The following FAM186A variants were observed in gnomAD, a reference collection of about 807,000 sequenced individuals.
FAM186A encodes the protein family with sequence similarity 186 member A.
Under a neutral mutation model 216.8 loss-of-function variants are expected in FAM186A, and 163 were observed. That is an observed-to-expected ratio of 0.75 (90% CI 0.66 to 0.86). FAM186A has a LOEUF of 0.86. Among genes scored for constraint, FAM186A ranks in the 40% least tolerant of loss-of-function variants. FAM186A has a pLI of 0.00. For missense variants in FAM186A, 2,184 were observed against 2,746.2 expected (o/e 0.80, Z 4.58); for synonymous variants, 805 against 1,025.3 (o/e 0.79, Z 4.10).
intron 4 of FAM186A, among the ~76,000 whole-genome samples, chr12:50,336,728 T>C (rs1446028223): frequency 3.3e-5 from 5 of 152,014 alleles, no homozygotes; most frequent in Non-Finnish European, 2.9e-5. Context: ...ACCACAGATA[T>C]GTGAAAGGAT....
Position 50,360,905 on chromosome 12 carries a change from G to A in FAM186A, c.434C>T (p.Thr145Ile). 1 of 1,539,332 alleles carries A rather than the reference G, an allele frequency of 6.5e-7. No homozygotes were observed. Among genetic ancestry groups the A allele is most frequent in the Non-Finnish European group, 8.7e-7 (1 of 1,144,000 alleles). Residue 145 changes from threonine (T) to isoleucine (I), a missense_variant, in exon 3 of 8, where the codon ACT becomes ATT. Thr to Ile is a moderately conservative substitution (Grantham distance 89). This residue lies in a region of FAM186A where 1,132 missense variants were observed against 1,263.4 expected (regional missense o/e 0.90). Coordinates refer to ENST00000327337, the MANE Select transcript of FAM186A (RefSeq NM_001145475.3). ...EEWNDVLSEM[T>I]LMDVDEHHHW... is the part of the protein sequence containing the mutation. ...GTGGTGTTCATCAACATCCATTAGA[G>A]TCATCTCAGACAAAACATCATCTTG...
At chr12:50,383,282 G>T (rs111523869) in intron 1 of FAM186A, among the ~76,000 whole-genome samples, 1 of 40,296 alleles carries the variant, frequency 2.5e-5, no homozygotes, top group Middle Eastern at 0.014. Context: ...AAAAAAAAGA[G>T]AGAGAGAGAG....
chr12:50,382,073 T>C (rs954804579), intron 1 of FAM186A, among the ~76,000 whole-genome samples: 5 of 152,058 alleles, frequency 3.3e-5, no homozygotes, highest in Admixed American at 3.3e-4. Context: ...TAAAAACCAC[T>C]TTAGGATTTC....
Position 50,354,792 on chromosome 12 carries a change from T to C in FAM186A, c.2040A>G (p.Leu680=). ...EEFQEAIMAF[L]KQKIDNIGKA... The stretch of plus-strand genomic sequence containing the variant: ...TTCCTATGTTATCAATTTTCTGTTT[T>C]AGGAAAGCCATTATGGCTTCCTGAA... The change falls in exon 4 of 8, where the codon CTA becomes CTG. Residue 680 remains leucine (L), a synonymous_variant. Transcript: ENST00000327337. 1 of 1,535,248 alleles carries C rather than the reference T, an allele frequency of 6.5e-7. No homozygotes were observed. Among genetic ancestry groups the C allele is most frequent in the Non-Finnish European group, 8.7e-7 (1 of 1,143,200 alleles).
At chr12:50,396,149 G>T in intron 1 of FAM186A, 144 bp downstream of exon 1, 1 of 655,116 alleles carries the variant, frequency 1.5e-6, no homozygotes, top group Non-Finnish European at 2.4e-6. Flanking sequence ...GTCGGTGTCA[G>T]GTGAAATTGT....
rs552223845 is a variant in FAM186A at position 50,331,022 on chromosome 12, T to A, written c.6849-264A>T. ...AGCTTCATGGCGTAGAGAGACCACA[T>A]AACTTGCCCCCTTCCTTCCCAAAGC... On this transcript the variant is annotated intron_variant, in intron 6 of 7. Transcript: ENST00000327337. 3.9e-5 allele frequency among the ~76,000 whole-genome samples: 6 copies of A among 152,112 alleles called. No homozygotes were observed. The South Asian group carries it at 1.2e-3, about 31-fold the overall frequency.
intron 4 of FAM186A, among the ~76,000 whole-genome samples, chr12:50,346,807 A>G (rs1160130354): frequency 1.3e-5 from 2 of 152,080 alleles, no homozygotes; most frequent in African/African-American, 4.8e-5. Context: ...AGATTGCCCC[A>G]CTGCACTCCA....
intron 1 of FAM186A, among the ~76,000 whole-genome samples, chr12:50,380,729 G>A (rs1173628742): frequency 6.6e-6 from 1 of 151,636 alleles, no homozygotes; most frequent in African/African-American, 2.4e-5. Context: ...TGGGATATTT[G>A]GGGTGTCGCT....
At chr12:50,386,286 A>C (rs923648903) in intron 1 of FAM186A, among the ~76,000 whole-genome samples, 1 of 151,848 alleles carries the variant, frequency 6.6e-6, no homozygotes, top group African/African-American at 2.4e-5. Flanking sequence ...ACAATTAGCC[A>C]AACCTGGTGG....
At chr12:50,378,641 C>T (rs1943224608) in intron 1 of FAM186A, among the ~76,000 whole-genome samples, 1 of 139,884 alleles carries the variant, frequency 7.1e-6, no homozygotes, top group East Asian at 2.1e-4. Context: ...TATACACATA[C>T]ATATATATAC....
In FAM186A at chr12:50,351,760, A is replaced by G. The variant is rs925723502; in HGVS notation, c.5072T>C (p.Leu1691Pro). The G allele has an allele frequency of 6.4e-7, 1 of 1,551,160 alleles. No individual in the cohort carries two copies. Among genetic ancestry groups the G allele is most frequent in the African/African-American group, 1.4e-5 (1 of 73,026 alleles). The change falls in exon 4 of 8, where the codon CTC (leucine) becomes CCC (proline). Residue 1691 changes from leucine (L) to proline (P), a missense_variant. Around this residue, in one of 7 missense-constraint regions of FAM186A, gnomAD observed 721 missense variants for 816.4 expected, o/e 0.88. Coordinates refer to ENST00000327337, the MANE Select transcript of FAM186A (RefSeq NM_001145475.3). ...CAAGGTATGGGCTTTATCTAAGGTG[A>G]GAGGAACCCCTAACTTCAATAACTG... The part of the protein sequence containing the change: ...QEQLLKLGVP[L>P]TLDKAHTLGS...
chr12:50,363,344 A>T lies in FAM186A; in HGVS notation c.213T>A (p.Ser71Arg). Reference sequence around the variant, plus strand: ...TCCGATGCACATTGTTCATTATTTCACTCAGCTGCATATCAATGTCCTGTC... The same window carrying T: ...TCCGATGCACATTGTTCATTATTTCTCTCAGCTGCATATCAATGTCCTGTC... ...RAREDIDMQL[S>R]EIMNNVHRIM... The change falls in exon 2 of 8, where the codon AGT (serine) becomes AGA (arginine). Residue 71 changes from serine (S) to arginine (R), a missense_variant. Ser to Arg is a moderately radical substitution (Grantham distance 110, BLOSUM62 -1). Coordinates refer to ENST00000327337, the MANE Select transcript of FAM186A (RefSeq NM_001145475.3). 1 of 1,550,382 alleles carries T rather than the reference A, an allele frequency of 6.5e-7. No individual in the cohort carries two copies. Among genetic ancestry groups the T allele is most frequent in the Non-Finnish European group, 8.7e-7 (1 of 1,146,692 alleles).
Position 50,351,998 on chromosome 12 carries a change from CCT to C in FAM186A, c.4832_4833del (p.Gln1611ArgfsTer55). 6.5e-7 allele frequency: 1 copy of C among 1,527,576 alleles called. No individual in the cohort carries two copies. Among genetic ancestry groups the C allele is most frequent in the Non-Finnish European group, 8.8e-7 (1 of 1,132,826 alleles). 94.6% of individuals were successfully genotyped at this position (1,527,576 alleles called of 1,614,324 possible). On this transcript the variant is annotated frameshift_variant, in exon 4 of 8. Transcript: ENST00000327337. LOFTEE classifies it high-confidence loss of function. ...GCCTGCTGAGGGGTGAGAGGGATCC[CCT>C]GAGCCTGCGCCTGCTGAGGGGTGAG... is the stretch of plus-strand genomic sequence containing the variant. ...IPLTPQQAQA[Q>X]GIPLTPQQAQ...
chr12:50,369,463 C>CCT (rs1943121012), intron 1 of FAM186A, among the ~76,000 whole-genome samples: 1 of 147,112 alleles, frequency 6.8e-6, no homozygotes, highest in Admixed American at 6.9e-5. Context: ...TGCACTCCAG[C>CCT]CTCAGCCTGG....
In FAM186A at chr12:50,354,196, C is replaced by T. The variant is rs957243034; in HGVS notation, c.2636G>A (p.Ser879Asn). 3 of 1,551,560 alleles carry T rather than the reference C, an allele frequency of 1.9e-6. No homozygotes were observed. The African/African-American group carries it at 4.1e-5, about 21-fold the overall frequency. Residue 879 changes from serine (S) to asparagine (N), a missense_variant, in exon 4 of 8, where the codon AGC (serine) becomes AAC (asparagine). By Grantham distance (46) the Ser-to-Asn change is conservative. This residue lies in a region of FAM186A where 1,132 missense variants were observed against 1,263.4 expected (regional missense o/e 0.90). Transcript: ENST00000327337. Reference sequence around the variant, plus strand: ...CTCTTCTTCCTGCCACTGTTTCTGGCTCTGTTGTTCTTGCTTTCCCTCCTT... The same window carrying T: ...CTCTTCTTCCTGCCACTGTTTCTGGTTCTGTTGTTCTTGCTTTCCCTCCTT... The part of the protein sequence containing the change: ...QMKEGKQEQQ[S>N]QKQWQEEEMW...
chr12:50,360,648 GC>G, intron 3 of FAM186A, 107 bp downstream of exon 3: 1 of 975,784 alleles, frequency 1.0e-6, no homozygotes, highest in South Asian at 1.9e-5. Flanking sequence ...TCAGGCCACT[GC>G]ACACCAGCCT....
At chr12:50,358,146 C>G (rs1942996573) in intron 3 of FAM186A, among the ~76,000 whole-genome samples, 1 of 151,850 alleles carries the variant, frequency 6.6e-6, no homozygotes, top group African/African-American at 2.4e-5. Flanking sequence ...ATACTAAAAT[C>G]ATGATTCATA....
Position 50,354,106 on chromosome 12 carries a change from T to A in FAM186A, c.2726A>T (p.Gln909Leu), listed in dbSNP as rs763583254. The part of the protein sequence containing the change: ...KQAEQEEKQK[Q>L]RGQEEEELPK... ...AAGCTCTTCTTCCTCCTGTCCTCTT[T>A]GCTTTTGCTTTTCCTCTTGCTCAGC... Residue 909 changes from glutamine to leucine, a missense_variant, in exon 4 of 8, where the codon CAA becomes CTA. Around this residue, in one of 7 missense-constraint regions of FAM186A, gnomAD observed 1,132 missense variants for 1,263.4 expected, o/e 0.90. Transcript: ENST00000327337. The A allele has an allele frequency of 2.6e-5, 40 of 1,551,652 alleles. No homozygotes were observed. Among genetic ancestry groups the A allele is most frequent in the South Asian group, 2.4e-4 (20 of 84,070 alleles).
intron 1 of FAM186A, among the ~76,000 whole-genome samples, chr12:50,389,765 C>T (rs892878203): frequency 6.6e-6 from 1 of 152,096 alleles, no homozygotes; most frequent in Non-Finnish European, 1.5e-5. Context: ...GGACTTAGTA[C>T]CTAGTTAAGC....
Sources: gnomAD v4.1 joint callset for allele counts (sites outside exome capture counted in the v4.1 genomes callset) on GRCh38, gnomAD v4.1.1 for gene constraint, gnomAD v4.1.1 regional missense constraint, MANE v1.5 for transcripts, NCBI Gene and HGNC (gene_info 2026-07-23, HGNC 2026-07-21) for gene names.